RIMS3: variants seen among roughly 807,000 people sequenced by gnomAD.
RIMS3 encodes the protein regulating synaptic membrane exocytosis protein 3.
Under a neutral mutation model 29.2 loss-of-function variants are expected in RIMS3, and 15 were observed. The ratio of observed to expected loss-of-function variants is 0.51; its 90% confidence interval spans 0.34 to 0.79. The LOEUF (loss-of-function observed/expected upper bound fraction) is 0.79. Ranked by LOEUF, RIMS3 falls within the 30% of genes least tolerant of loss-of-function variation. The probability of loss-of-function intolerance (pLI) is 0.01; values close to 1 mark genes in which losing one functional copy is unlikely to be tolerated. For missense variants in RIMS3, 342 were observed against 421.4 expected, an observed-to-expected ratio of 0.81 and a Z score of 1.65; for synonymous variants, 161 against 170.1, an observed-to-expected ratio of 0.95 and a Z score of 0.41.
the RIMS3 span, among the ~76,000 whole-genome samples, chr1:40,671,937 T>G: frequency 6.6e-6 from 1 of 151,916 alleles, no homozygotes; most frequent in Middle Eastern, 3.4e-3. Flanking sequence ...TAATTATTTT[T>G]GGTAGAGACA....
rs34292781 is a variant in RIMS3 at position 40,643,478 on chromosome 1, C to CTTT, written c.-31-1525_-31-1523dup. ...AGCATGGCAATAAACATCTTTCTCT[C>CTTT]TTTTTTTTTTTTTTTTGAGATGGAG... On this transcript the variant is annotated intron_variant, in intron 2 of 7. Transcript: ENST00000372684. Among the ~76,000 whole-genome samples the CTTT allele has an allele frequency of 7.7e-4, 103 of 133,574 alleles. 4 individuals carry two copies. Among genetic ancestry groups the CTTT allele is most frequent in the African/African-American group, 2.6e-3 (93 of 35,210 alleles). 87.6% of individuals were successfully genotyped at this position (133,574 alleles called of 152,430 possible).
At chr1:40,638,553 A>G (rs1352812159) in intron 3 of RIMS3, among the ~76,000 whole-genome samples, 1 of 152,168 alleles carries the variant, frequency 6.6e-6, no homozygotes, top group Admixed American at 6.5e-5. Flanking sequence ...ACCACTCCCT[A>G]TGGCATCTTC....
rs1258574050 is a variant in RIMS3 at position 40,636,816 on chromosome 1, C to T, written c.218-759G>A. Reference sequence around the variant, plus strand: ...CCCTCGACCCCCATATCCTGGCCTCCCCCTCAGCCTTGCAGGGAACATGGG... The same window carrying T: ...CCCTCGACCCCCATATCCTGGCCTCTCCCTCAGCCTTGCAGGGAACATGGG... On this transcript the variant is annotated intron_variant, in intron 3 of 7. Transcript: ENST00000372684. This position sits in a 1 kb window ranked among gnomAD's most constrained non-coding sequence, Gnocchi z 4.2. Among the ~76,000 whole-genome samples, 1 of 152,236 alleles carries T rather than the reference C, an allele frequency of 6.6e-6. No homozygotes were observed. Among genetic ancestry groups the T allele is most frequent in the Non-Finnish European group, 1.5e-5 (1 of 68,038 alleles).
the RIMS3 span, among the ~76,000 whole-genome samples, chr1:40,678,199 G>C: frequency 6.6e-6 from 1 of 152,296 alleles, no homozygotes; most frequent in East Asian, 1.9e-4. Context: ...CTTGAGGTCA[G>C]GAGTTCAAGA....
intron 1 of RIMS3, among the ~76,000 whole-genome samples, chr1:40,653,045 G>A (rs1418870118): frequency 1.3e-5 from 2 of 152,200 alleles, no homozygotes; most frequent in Non-Finnish European, 2.9e-5. Context: ...AGAGCTTGAG[G>A]TCCTAGCGGA....
At chr1:40,639,015 C>T (rs1031518761) in intron 3 of RIMS3, among the ~76,000 whole-genome samples, 1 of 152,024 alleles carries the variant, frequency 6.6e-6, no homozygotes, top group Admixed American at 6.5e-5. Flanking sequence ...GTGGTGCAAT[C>T]GTCCAGGCTA....
upstream of RIMS3, among the ~76,000 whole-genome samples, chr1:40,668,538 G>C (rs1032210304): frequency 6.8e-6 from 1 of 148,128 alleles, no homozygotes; most frequent in African/African-American, 2.5e-5. Flanking sequence ...GGAATAACCA[G>C]CAAGTCTTTT....
the RIMS3 span, among the ~76,000 whole-genome samples, chr1:40,685,082 G>C: frequency 1.3e-5 from 2 of 151,870 alleles, no homozygotes; most frequent in African/African-American, 2.4e-5. Flanking sequence ...AGGCTATGAG[G>C]AGGTACTGGG....
At position 40,628,956 on chromosome 1, in the gene RIMS3, G is replaced by A; in HGVS notation, c.575-7C>T. ...TAAACCTTGATATAGGTGGCTAAGG[G>A]AGGAGAGAATGTATGACAGGGAGGG... On this transcript the variant is annotated splice_polypyrimidine_tract_variant and splice_region_variant and intron_variant, in intron 6 of 7. Transcript: ENST00000372684. 1 of 1,612,968 alleles carries A rather than the reference G, an allele frequency of 6.2e-7. No individual in the cohort carries two copies. Among genetic ancestry groups the A allele is most frequent in the East Asian group, 2.2e-5 (1 of 44,880 alleles).
At chr1:40,671,756 T>C in the RIMS3 span, among the ~76,000 whole-genome samples, 1 of 148,996 alleles carries the variant, frequency 6.7e-6, no homozygotes, top group Non-Finnish European at 1.5e-5. Context: ...TCCTTTCTTT[T>C]CTTTTTTTTT....
chr1:40,628,689 G>C (rs768613703), intron 7 of RIMS3, 121 bp downstream of exon 7: 1 of 1,338,358 alleles, frequency 7.5e-7, no homozygotes, highest in Non-Finnish European at 1.1e-6. Flanking sequence ...AAGTAAATGA[G>C]TAACGCAAAT....
intron 4 of RIMS3, among the ~76,000 whole-genome samples, chr1:40,634,599 G>A (rs1646508188): frequency 6.6e-6 from 1 of 152,102 alleles, no homozygotes; most frequent in African/African-American, 2.4e-5. Context: ...TTCTCCACTT[G>A]TAAAATGGAG....
At chr1:40,630,765 C>T (rs1282422742) in intron 5 of RIMS3, among the ~76,000 whole-genome samples, 2 of 152,222 alleles carry the variant, frequency 1.3e-5, no homozygotes, top group Admixed American at 6.5e-5. Flanking sequence ...AAGTGGCTGG[C>T]TCCTCTCACT....
rs767146264 is a variant in RIMS3 at position 40,636,002 on chromosome 1, G to T, written c.273C>A (p.Ile91=). ...TGACCCGGCTCCGCATCTCCACCGC[G>T]ATGCCTGTCTCCGTGCTCCGGCGGA... ...SNIRRSTETG[I]AVEMRSRVTR... Residue 91 remains isoleucine, a synonymous_variant, in exon 4 of 8, where the codon ATC becomes ATA. Transcript: ENST00000372684. This position sits in a 1 kb window ranked among gnomAD's most constrained non-coding sequence, Gnocchi z 4.2. The T allele has an allele frequency of 1.2e-6, 2 of 1,609,450 alleles. No individual in the cohort carries two copies. The highest frequency in any genetic ancestry group is 1.7e-4 in the Middle Eastern group (1 of 6,056).
upstream of RIMS3, among the ~76,000 whole-genome samples, chr1:40,668,491 C>CGGGGGGGGGGGG (rs56114535): frequency 1.9e-5 from 1 of 51,586 alleles, no homozygotes; most frequent in Non-Finnish European, 3.5e-5. Context: ...GGGTTGTGGG[C>CGGGGGGGGGGGG]GGGGGGGGGG....
rs2148346878 is a variant in RIMS3 at position 40,635,107 on chromosome 1, A to G, written c.359+809T>C. On this transcript the variant is annotated intron_variant, in intron 4 of 7. Coordinates refer to ENST00000372684, the MANE Select transcript of RIMS3 (RefSeq NM_014747.3). The surrounding 1 kb of genome is among the most constrained non-coding windows in gnomAD (Gnocchi z 4.1). The stretch of plus-strand genomic sequence containing the variant: ...TCGCATTCATGGAAGTAGGTGCAGC[A>G]GTGAGACACACAATCACTGAATCTC... Among the ~76,000 whole-genome samples, 1 of 152,362 alleles carries G rather than the reference A, an allele frequency of 6.6e-6. No homozygotes were observed. The highest frequency in any genetic ancestry group is 1.9e-4 in the East Asian group (1 of 5,190).
the RIMS3 span, among the ~76,000 whole-genome samples, chr1:40,677,031 C>T: frequency 1.3e-5 from 2 of 148,250 alleles, no homozygotes; most frequent in African/African-American, 2.5e-5. Flanking sequence ...TAGAGTCTCT[C>T]TCTGTCACCC....
chr1:40,677,723 T>G, the RIMS3 span, among the ~76,000 whole-genome samples: 1 of 151,444 alleles, frequency 6.6e-6, no homozygotes, highest in Non-Finnish European at 1.5e-5. Flanking sequence ...AATAAATAAT[T>G]AATTAAAAAA....
upstream of RIMS3, among the ~76,000 whole-genome samples, chr1:40,668,918 C>T (rs1024487258): frequency 1.3e-5 from 2 of 152,190 alleles, no homozygotes; most frequent in African/African-American, 4.8e-5. Context: ...GAGCACCTGG[C>T]AGAGGCTTCT....
Sources: allele counts gnomAD v4.1 joint callset (sites outside exome capture counted in the v4.1 genomes callset), GRCh38; gene constraint gnomAD v4.1.1; non-coding constraint Gnocchi (gnomAD v3.1); transcripts MANE v1.5; gene names NCBI Gene and HGNC (gene_info 2026-07-23, HGNC 2026-07-21).